The following NGEF variants were observed in gnomAD, a reference collection of about 807,000 sequenced individuals.
The protein encoded by NGEF is ephexin-1.
Under a neutral mutation model 80.9 loss-of-function variants are expected in NGEF, and 31 were observed. That is an observed-to-expected ratio of 0.38 (90% CI 0.29 to 0.52). The LOEUF (loss-of-function observed/expected upper bound fraction) is 0.52, where lower values mean the gene tolerates loss of function less well. Among genes scored for constraint, NGEF ranks in the 20% least tolerant of loss-of-function variants. NGEF has a pLI of 0.84. For missense variants in NGEF, 709 were observed against 926.2 expected (o/e 0.77, Z 3.04); for synonymous variants, 371 against 370.2 (o/e 1.00, Z -0.03).
intron 3 of NGEF, among the ~76,000 whole-genome samples, chr2:232,967,227 T>C (rs1234205960): frequency 1.3e-5 from 2 of 152,196 alleles, no homozygotes; most frequent in East Asian, 1.9e-4. Context: ...GCTCTCCTTT[T>C]GCCTTCTACC....
At chr2:232,957,464 A>C (rs944348522) in intron 3 of NGEF, among the ~76,000 whole-genome samples, 10 of 152,188 alleles carry the variant, frequency 6.6e-5, no homozygotes, top group African/African-American at 2.4e-4. Flanking sequence ...CTGGGATTAC[A>C]GGCACCCGCC....
At chr2:232,942,167 C>G (rs1020435263) in intron 3 of NGEF, among the ~76,000 whole-genome samples, 2 of 152,208 alleles carry the variant, frequency 1.3e-5, no homozygotes, top group African/African-American at 2.4e-5. Context: ...AGGAAGTCCC[C>G]CATCCCATCC....
intron 1 of NGEF, among the ~76,000 whole-genome samples, chr2:233,012,399 T>G (rs984175017): frequency 1.3e-5 from 2 of 152,178 alleles, no homozygotes; most frequent in African/African-American, 4.8e-5. Flanking sequence ...GCCAGCCAGA[T>G]GCAAAAATCA....
chr2:232,880,907 G>C (rs1026895715), intron 14 of NGEF, among the ~76,000 whole-genome samples: 1 of 152,222 alleles, frequency 6.6e-6, no homozygotes, highest in Non-Finnish European at 1.5e-5. Flanking sequence ...AGGAGGAAAG[G>C]TGGGGTCTCC....
intron 10 of NGEF, among the ~76,000 whole-genome samples, chr2:232,884,622 C>T (rs764991669): frequency 2.4e-4 from 36 of 152,126 alleles, no homozygotes; most frequent in Non-Finnish European, 4.0e-4. Context: ...GAATGGGACC[C>T]GCGGGGCAAG....
rs1041691717 is a variant in NGEF at position 232,927,851 on chromosome 2, C to G, written c.384-665G>C. Reference sequence around the variant, plus strand: ...GGGCGCAAGCTGGGAAAGAGGCACGCGGGGGCGGCGCGCCGGGGCCGGGAC... The same window carrying G: ...GGGCGCAAGCTGGGAAAGAGGCACGGGGGGGCGGCGCGCCGGGGCCGGGAC... On this transcript the variant is annotated intron_variant, in intron 3 of 14. Coordinates refer to ENST00000264051, the MANE Select transcript of NGEF (RefSeq NM_019850.3). 2.0e-5 allele frequency: 24 copies of G among 1,219,628 alleles called. No homozygotes were observed. In the Admixed American group the frequency reaches 6.5e-4, roughly 33 times the overall value. The allele number at this position is 1,219,628 out of a possible 1,614,324, so 75.6% of individuals were successfully genotyped here. A position where few individuals can be genotyped will look rare whatever the true frequency, so the allele number is the denominator to read the frequency against.
chr2:232,907,274 G>T (rs995268244), intron 5 of NGEF, among the ~76,000 whole-genome samples: 1 of 149,442 alleles, frequency 6.7e-6, no homozygotes, highest in South Asian at 2.1e-4. Flanking sequence ...CCTACCAAAA[G>T]GCCATCATTA....
intron 2 of NGEF, 85 bp from the exon 3 acceptor site, chr2:232,970,413 G>C (rs1694161939): frequency 1.1e-6 from 1 of 871,528 alleles, no homozygotes; most frequent in African/African-American, 1.8e-5. Flanking sequence ...GACAGTAGCA[G>C]CAGTCATGCT....
At chr2:232,953,363 A>AAG (rs202019335) in intron 3 of NGEF, among the ~76,000 whole-genome samples, 2 of 140,686 alleles carry the variant, frequency 1.4e-5, no homozygotes, top group Admixed American at 1.5e-4. Flanking sequence ...GAAAGAAAGA[A>AAG]AGAGAGAGAG....
At chr2:232,954,302 G>A (rs565003466) in intron 3 of NGEF, among the ~76,000 whole-genome samples, 225 of 152,260 alleles carry the variant, frequency 1.5e-3, no homozygotes, top group Non-Finnish European at 2.7e-3. Context: ...CTTAGGCCTG[G>A]GGATATGACA....
chr2:232,906,172 GGGTCAGCCCCCCGCC>G (rs1692523201), intron 5 of NGEF, among the ~76,000 whole-genome samples: 1 of 39,810 alleles, frequency 2.5e-5, no homozygotes, highest in Non-Finnish European at 5.1e-5. Flanking sequence ...GGAGGTGGGG[GGGTCAGCCCCCCGCC>G]TGGCCAGCCG....
At chr2:233,000,649 ACT>A in intron 1 of NGEF, among the ~76,000 whole-genome samples, 1 of 151,530 alleles carries the variant, frequency 6.6e-6, no homozygotes, top group African/African-American at 2.4e-5. Context: ...AGTCCCAGCT[ACT>A]CAGGAGGCTG....
At chr2:232,976,811 T>TG (rs1025096387) in intron 1 of NGEF, among the ~76,000 whole-genome samples, 1 of 152,308 alleles carries the variant, frequency 6.6e-6, no homozygotes, top group African/African-American at 2.4e-5. Context: ...CACGGTCGTC[T>TG]GGGGGACCCA....
At chr2:232,927,416 C>T (rs1010479293) in intron 3 of NGEF, among the ~76,000 whole-genome samples, 1 of 152,106 alleles carries the variant, frequency 6.6e-6, no homozygotes, top group Non-Finnish European at 1.5e-5. Flanking sequence ...CACACCAGCC[C>T]GCCCAAACCT....
At chr2:232,916,547 G>T (rs1692807082) in intron 5 of NGEF, among the ~76,000 whole-genome samples, 1 of 152,154 alleles carries the variant, frequency 6.6e-6, no homozygotes, top group Non-Finnish European at 1.5e-5. Context: ...AGAAAAGGGG[G>T]AAAAGATAAG....
intron 3 of NGEF, among the ~76,000 whole-genome samples, chr2:232,941,110 T>C (rs1693429019): frequency 6.6e-6 from 1 of 152,052 alleles, no homozygotes; most frequent in African/African-American, 2.4e-5. Flanking sequence ...AGGGTGCTGA[T>C]TGGTCGGAGA....
chr2:232,901,584 C>T (rs2106251388), intron 5 of NGEF: 1 of 246,350 alleles, frequency 4.1e-6, no homozygotes, highest in East Asian at 1.8e-4. Context: ...AGGGCGGGCT[C>T]ACTGGCTGCC....
intron 5 of NGEF, among the ~76,000 whole-genome samples, chr2:232,897,198 C>T (rs1692125991): frequency 6.6e-6 from 1 of 151,648 alleles, no homozygotes; most frequent in Non-Finnish European, 1.5e-5. Flanking sequence ...CCTTTTAGGG[C>T]CGCCCTCCGG....
At chr2:232,926,966 C>G in intron 4 of NGEF, 78 bp downstream of exon 4, 1 of 1,570,118 alleles carries the variant, frequency 6.4e-7, no homozygotes, top group African/African-American at 1.4e-5. Flanking sequence ...AACGGCATCC[C>G]ATGAGCAGGA....
Sources: allele counts gnomAD v4.1 joint callset (sites outside exome capture counted in the v4.1 genomes callset), GRCh38; gene constraint gnomAD v4.1.1; transcripts MANE v1.5; gene names NCBI Gene and HGNC (gene_info 2026-07-23, HGNC 2026-07-21).